Variants in KBTBD11 observed in about 807,000 individuals in gnomAD.
KBTBD11 encodes kelch repeat and BTB domain-containing protein 11.
For synonymous variants in KBTBD11, 747 were observed against 499.0 expected (o/e 1.50, Z -6.63); for missense variants, 1,390 against 1,001.8 (o/e 1.39, Z -5.23).
In KBTBD11 at chr8:2,002,238, C is replaced by G. The variant is rs1439310927; in HGVS notation, c.1046C>G (p.Ala349Gly). ...ACGCGGCTGCCCGAGGGCGCGCCGGCGCGGGGCTGCGGCCTGTGCGTCCTC... is the reference window on the plus strand; with the variant it reads ...ACGCGGCTGCCCGAGGGCGCGCCGGGGCGGGGCTGCGGCCTGTGCGTCCTC... Reference protein sequence around the residue: ...ELTRLPEGAPARGCGLCVLYN... With the variant: ...ELTRLPEGAPGRGCGLCVLYN... Residue 349 changes from alanine (A) to glycine (G), a missense_variant, in exon 2 of 2, where the codon GCG (alanine) becomes GGG (glycine). Transcript: ENST00000320248. The surrounding 1 kb of genome is among the most constrained non-coding windows in gnomAD (Gnocchi z 4.1). 1.6e-6 allele frequency: 2 copies of G among 1,268,482 alleles called. No homozygotes were observed. Among genetic ancestry groups the G allele is most frequent in the Non-Finnish European group, 2.0e-6 (2 of 1,012,486 alleles). 78.6% of individuals were successfully genotyped at this position (1,268,482 alleles called of 1,614,324 possible). A position where few individuals can be genotyped will look rare whatever the true frequency, so the allele number is the denominator to read the frequency against.
intron 1 of KBTBD11, among the ~76,000 whole-genome samples, chr8:1,993,697 A>G (rs1817020990): frequency 6.6e-6 from 1 of 151,884 alleles, no homozygotes; most frequent in Non-Finnish European, 1.5e-5. Context: ...ACACCTCCCT[A>G]TCTGTAATGA....
intron 1 of KBTBD11, among the ~76,000 whole-genome samples, chr8:1,980,726 CCAGGGCAGGGG>C (rs1321941861): frequency 3.3e-5 from 5 of 152,186 alleles, no homozygotes; most frequent in African/African-American, 4.8e-5. Context: ...CACGCAGCCG[CCAGGGCAGGGG>C]CAGGGCAGGG....
intron 1 of KBTBD11, among the ~76,000 whole-genome samples, chr8:1,996,288 C>T (rs561216768): frequency 4.6e-4 from 70 of 151,610 alleles, no homozygotes; most frequent in Non-Finnish European, 6.9e-4. Context: ...TTTTTTTGGA[C>T]GGGGTTTCAC....
Position 2,004,459 on chromosome 8 carries a change from C to T in KBTBD11, c.*1395C>T, listed in dbSNP as rs552900559. The T allele has an allele frequency of 2.4e-5, 4 of 167,084 alleles. No individual in the cohort carries two copies. In the East Asian group the frequency reaches 7.7e-4, roughly 32 times the overall value. The allele number at this position is 167,084 out of a possible 1,614,324, so 10.4% of individuals were successfully genotyped here. The stretch of plus-strand genomic sequence containing the variant: ...TTACTGGAACGTAACTAGTTGAAAT[C>T]CTGCCTACTTTAATATTATTTGTTT... On this transcript the variant is annotated 3_prime_UTR_variant, in exon 2 of 2. Transcript: ENST00000320248.
rs189251930 is a variant in KBTBD11 at position 1,979,232 on chromosome 8, C to T, written c.-909+5297C>T. ...GCAGTCCCTCCTCCTCGGGAACCTCCGCCTTTTTAAGGCTTTGACTGATTG... is the reference window on the plus strand; with the variant it reads ...GCAGTCCCTCCTCCTCGGGAACCTCTGCCTTTTTAAGGCTTTGACTGATTG... On this transcript the variant is annotated intron_variant, in intron 1 of 1. Transcript: ENST00000320248. 3.2e-3 allele frequency among the ~76,000 whole-genome samples: 481 copies of T among 152,324 alleles called. 3 individuals are homozygous for T. The highest frequency in any genetic ancestry group is 0.011 in the African/African-American group (469 of 41,578).
rs905969536 is a variant in KBTBD11 at position 2,000,416 on chromosome 8, A to C, written c.-777A>C. 1 of 152,298 alleles carries C rather than the reference A, an allele frequency of 6.6e-6. No homozygotes were observed. Among genetic ancestry groups the C allele is most frequent in the African/African-American group, 2.4e-5 (1 of 41,458 alleles). The allele number at this position is 152,298 out of a possible 1,614,324, so 9.4% of individuals were successfully genotyped here. On this transcript the variant is annotated 5_prime_UTR_variant, in exon 2 of 2. Coordinates refer to ENST00000320248, the MANE Select transcript of KBTBD11 (RefSeq NM_014867.3). ...CGGCTTCTCCTAACATCCCCCTGGC[A>C]GTGAATTACGGATGACCCCGTATAT...
At chr8:1,980,724 C>T (rs1488925750) in intron 1 of KBTBD11, among the ~76,000 whole-genome samples, 6 of 152,180 alleles carry the variant, frequency 3.9e-5, no homozygotes, top group Admixed American at 6.5e-5. Flanking sequence ...ACCACGCAGC[C>T]GCCAGGGCAG....
In KBTBD11 at chr8:2,002,650, C is replaced by T; in HGVS notation, c.1458C>T (p.Ser486=). The T allele has an allele frequency of 6.3e-7, 1 of 1,577,322 alleles. No individual in the cohort carries two copies. Among genetic ancestry groups the T allele is most frequent in the Non-Finnish European group, 8.5e-7 (1 of 1,170,712 alleles). ...RRDEWQECPC[S]SSRERSADMV... The stretch of plus-strand genomic sequence containing the variant: ...ACGAGTGGCAGGAGTGCCCGTGCAG[C>T]AGCAGCCGCGAGCGCTCGGCCGACA... The change falls in exon 2 of 2, where the codon AGC becomes AGT. Residue 486 remains serine, a synonymous_variant. Transcript: ENST00000320248. This position sits in a 1 kb window ranked among gnomAD's most constrained non-coding sequence, Gnocchi z 4.1.
intron 1 of KBTBD11, among the ~76,000 whole-genome samples, chr8:1,984,776 G>A (rs969078149): frequency 1.3e-4 from 20 of 152,190 alleles, no homozygotes; most frequent in African/African-American, 4.6e-4. Flanking sequence ...GGCATCTCCT[G>A]CAGTAAAATC....
chr8:1,986,030 GACCAC>G (rs1157137335), intron 1 of KBTBD11, among the ~76,000 whole-genome samples: 1 of 152,206 alleles, frequency 6.6e-6, no homozygotes, highest in African/African-American at 2.4e-5. Flanking sequence ...TTGTTTGACA[GACCAC>G]AAGTCTTGAT....
At chr8:1,993,056 C>T (rs1816976581) in intron 1 of KBTBD11, among the ~76,000 whole-genome samples, 1 of 152,124 alleles carries the variant, frequency 6.6e-6, no homozygotes, top group Non-Finnish European at 1.5e-5. Context: ...CCTCTGACCC[C>T]AGCTTCCCGC....
intron 1 of KBTBD11, among the ~76,000 whole-genome samples, chr8:1,999,447 A>G (rs1817263027): frequency 6.6e-6 from 1 of 152,248 alleles, no homozygotes; most frequent in Admixed American, 6.5e-5. Flanking sequence ...GAAGGCCAGA[A>G]TGAAGTTGGC....
At chr8:1,984,357 C>T (rs1003313559) in intron 1 of KBTBD11, among the ~76,000 whole-genome samples, 22 of 137,816 alleles carry the variant, frequency 1.6e-4, no homozygotes, top group African/African-American at 5.1e-4. Flanking sequence ...GGCGTGATCT[C>T]GGCTCACTGC....
At chr8:1,982,292 C>G (rs1001470495) in intron 1 of KBTBD11, among the ~76,000 whole-genome samples, 2 of 152,016 alleles carry the variant, frequency 1.3e-5, no homozygotes, top group Non-Finnish European at 2.9e-5. Flanking sequence ...AAGCATACCA[C>G]AAGAGAAAGT....
chr8:2,001,155 A>T lies in KBTBD11; in HGVS notation c.-38A>T, dbSNP rs1817328659. The T allele has an allele frequency of 7.7e-7, 1 of 1,296,058 alleles. No homozygotes were observed. Among genetic ancestry groups the T allele is most frequent in the Non-Finnish European group, 9.8e-7 (1 of 1,022,972 alleles). The allele number at this position is 1,296,058 out of a possible 1,614,324, so 80.3% of individuals were successfully genotyped here. A position where few individuals can be genotyped will look rare whatever the true frequency, so the allele number is the denominator to read the frequency against. ...CTTGGCCAGACCTGCAGGCTGCGGA[A>T]CCGGGGGCGCGCGGGCGCAGCGCAG... is the stretch of plus-strand genomic sequence containing the variant. On this transcript the variant is annotated 5_prime_UTR_variant, in exon 2 of 2. Coordinates refer to ENST00000320248, the MANE Select transcript of KBTBD11 (RefSeq NM_014867.3).
At chr8:1,989,841 T>G (rs1243055739) in intron 1 of KBTBD11, among the ~76,000 whole-genome samples, 1 of 150,524 alleles carries the variant, frequency 6.6e-6, no homozygotes, top group Admixed American at 6.6e-5. Flanking sequence ...CTAAACCTCT[T>G]AAACTTGTGA....
chr8:1,987,725 T>G (rs1563367626), intron 1 of KBTBD11, among the ~76,000 whole-genome samples: 1 of 149,252 alleles, frequency 6.7e-6, no homozygotes, highest in Non-Finnish European at 1.5e-5. Flanking sequence ...TTTTGGAGCC[T>G]TTATTATTAT....
chr8:1,977,603 A>C (rs1218828549), intron 1 of KBTBD11, among the ~76,000 whole-genome samples: 1 of 152,118 alleles, frequency 6.6e-6, no homozygotes, highest in Non-Finnish European at 1.5e-5. Flanking sequence ...AGCTCACGGC[A>C]ACCTCCGCCT....
At chr8:1,974,557 G>C in intron 1 of KBTBD11, 1 of 985,160 alleles carries the variant, frequency 1.0e-6, no homozygotes, top group Non-Finnish European at 1.2e-6. Context: ...CCCGGGGTGC[G>C]GGGGTGTCCT....
Sources: allele counts gnomAD v4.1 joint callset (sites outside exome capture counted in the v4.1 genomes callset), GRCh38; gene constraint gnomAD v4.1.1; non-coding constraint Gnocchi (gnomAD v3.1); transcripts MANE v1.5; gene names NCBI Gene and HGNC (gene_info 2026-07-23, HGNC 2026-07-21).